Variants in WHR1 observed in about 807,000 individuals in gnomAD.
WHR1 encodes the protein MHC class III HLA-RP1.
chr6:31,977,338 ATTTTTTTT>A, the WHR1 span, among the ~76,000 whole-genome samples: 15 of 127,442 alleles, frequency 1.2e-4, no homozygotes, highest in Admixed American at 1.1e-3. Context: ...CGCCCAGCTA[ATTTTTTTT>A]TTTTTTTTTT....
chr6:31,977,190 T>C, the WHR1 span, among the ~76,000 whole-genome samples: 921 of 151,730 alleles, frequency 6.1e-3, 16 homozygotes, highest in South Asian at 0.018. Flanking sequence ...TTTTTTTTTT[T>C]GAGACAGTGT....
chr6:31,977,501 C>T, the WHR1 span, among the ~76,000 whole-genome samples: 11 of 151,984 alleles, frequency 7.2e-5, no homozygotes, highest in Admixed American at 1.3e-4. Context: ...GCCACTATGC[C>T]TGGCTAATTG....
the WHR1 span, chr6:31,980,756 T>C: frequency 2.5e-5 from 40 of 1,603,856 alleles, no homozygotes; most frequent in Non-Finnish European, 3.2e-5. Context: ...CGGCTTGGCC[T>C]CACCTACCAT....
At chr6:31,972,746 G>A in the WHR1 span, 1 of 1,612,464 alleles carries the variant, frequency 6.2e-7, no homozygotes, top group African/African-American at 1.3e-5. The surrounding 1 kb of genome is among the most constrained non-coding windows in gnomAD (Gnocchi z 6.3). Flanking sequence ...GACCGTGGCC[G>A]ACCGGCAGCT....
At chr6:31,978,066 G>C in the WHR1 span, among the ~76,000 whole-genome samples, 1 of 152,200 alleles carries the variant, frequency 6.6e-6, no homozygotes, top group African/African-American at 2.4e-5. Context: ...GGGATTACAG[G>C]CTTGAGCCAT....
chr6:31,972,585 C>T, the WHR1 span: 1 of 1,598,608 alleles, frequency 6.3e-7, no homozygotes, highest in Non-Finnish European at 8.6e-7. The surrounding 1 kb of genome is among the most constrained non-coding windows in gnomAD (Gnocchi z 6.3). Context: ...CGTCCCCGCC[C>T]CAGTTCCCTG....
chr6:31,978,774 GT>G, the WHR1 span: 9 of 744,274 alleles, frequency 1.2e-5, no homozygotes, highest in Non-Finnish European at 1.9e-5. Flanking sequence ...TTCTCACACA[GT>G]TTTTCCTTTA....
At chr6:31,977,164 C>T in the WHR1 span, among the ~76,000 whole-genome samples, 1 of 151,796 alleles carries the variant, frequency 6.6e-6, no homozygotes, top group African/African-American at 2.4e-5. Context: ...TAAATGCCCT[C>T]CATGTTCCAA....
the WHR1 span, chr6:31,980,314 G>C: frequency 1.6e-3 from 1,273 of 782,448 alleles, 6 homozygotes; most frequent in South Asian, 5.3e-3. Context: ...AACCACCCCA[G>C]GCTGGGATTT....
At chr6:31,978,898 G>A in the WHR1 span, 2 of 1,612,440 alleles carry the variant, frequency 1.2e-6, no homozygotes, top group East Asian at 2.2e-5. Flanking sequence ...TCTCTGTGGA[G>A]ACAGAAGGAG....
chr6:31,979,254 AAG>A, the WHR1 span, among the ~76,000 whole-genome samples: 1 of 63,628 alleles, frequency 1.6e-5, no homozygotes, highest in Non-Finnish European at 3.0e-5. Context: ...GGGGGGGAGG[AAG>A]AGGGGGAGGA....
the WHR1 span, chr6:31,979,118 G>A: frequency 5.1e-6 from 5 of 982,660 alleles, no homozygotes; most frequent in Non-Finnish European, 7.6e-6. Flanking sequence ...ATCCCATGGA[G>A]AGGGCACAGG....
At chr6:31,976,026 G>A in the WHR1 span, among the ~76,000 whole-genome samples, 1 of 150,210 alleles carries the variant, frequency 6.7e-6, no homozygotes, top group Non-Finnish European at 1.5e-5. Context: ...GCGGCTGGCC[G>A]GGCGGGGGGG....
the WHR1 span, among the ~76,000 whole-genome samples, chr6:31,976,131 G>A: frequency 1.4e-5 from 2 of 144,936 alleles, no homozygotes; most frequent in East Asian, 2.1e-4. Context: ...GGCTGCGTGG[G>A]GGGCTGACCC....
the WHR1 span, among the ~76,000 whole-genome samples, chr6:31,978,499 G>A: frequency 6.6e-6 from 1 of 152,154 alleles, no homozygotes; most frequent in Non-Finnish European, 1.5e-5. Context: ...AGGTGGATTA[G>A]TTCTTGCTGT....
the WHR1 span, chr6:31,971,921 C>A: frequency 6.5e-7 from 1 of 1,535,166 alleles, no homozygotes; most frequent in South Asian, 1.2e-5. The surrounding 1 kb of genome is among the most constrained non-coding windows in gnomAD (Gnocchi z 4.5). Flanking sequence ...GATCAAGAAT[C>A]CAGTTACCTC....
chr6:31,976,709 T>C, the WHR1 span, among the ~76,000 whole-genome samples: 15 of 151,766 alleles, frequency 9.9e-5, no homozygotes, highest in African/African-American at 3.4e-4. Flanking sequence ...GAGGTGGAGG[T>C]TGTAGCAAGC....
chr6:31,976,645 G>A, the WHR1 span, among the ~76,000 whole-genome samples: 2 of 152,158 alleles, frequency 1.3e-5, no homozygotes, highest in East Asian at 1.9e-4. Context: ...ACGGGGTGGC[G>A]GCCGGGCAGA....
chr6:31,972,492 T>G, the WHR1 span: 161 of 1,612,168 alleles, frequency 1.0e-4, no homozygotes, highest in Admixed American at 2.2e-4. This position sits in a 1 kb window ranked among gnomAD's most constrained non-coding sequence, Gnocchi z 6.3. Flanking sequence ...TGGAGTCGGA[T>G]CCTCTTCGGG....
Sources: allele counts gnomAD v4.1 joint callset (sites outside exome capture counted in the v4.1 genomes callset), GRCh38; gene constraint gnomAD v4.1.1; non-coding constraint Gnocchi (gnomAD v3.1); transcripts MANE v1.5; gene names NCBI Gene and HGNC (gene_info 2026-07-23, HGNC 2026-07-21).